MYADM: variants seen among roughly 807,000 people sequenced by gnomAD.
The protein encoded by MYADM is myeloid associated differentiation marker.
For missense variants in MYADM, 416 were observed against 443.4 expected (o/e 0.94, Z 0.56); for synonymous variants, 224 against 210.2 (o/e 1.07, Z -0.57).
In MYADM at chr19:53,874,088, A is replaced by G; in HGVS notation, c.559A>G (p.Ile187Val). The G allele has an allele frequency of 6.2e-7, 1 of 1,611,888 alleles. No homozygotes were observed. Among genetic ancestry groups the G allele is most frequent in the Non-Finnish European group, 8.5e-7 (1 of 1,180,012 alleles). Residue 187 changes from isoleucine to valine, a missense_variant, in exon 3 of 3, where the codon ATC (isoleucine) becomes GTC (valine). Ile to Val is a conservative substitution (Grantham distance 29, BLOSUM62 3). Coordinates refer to ENST00000391770, the MANE Select transcript of MYADM (RefSeq NM_138373.5). ...KVLETFVACI[I>V]FAFISDPNLY... ...GCTGGAGACCTTCGTTGCCTGCATC[A>G]TCTTCGCGTTCATCAGCGACCCCAA...
chr19:53,874,004 C>T lies in MYADM; in HGVS notation c.475C>T (p.Arg159Trp), dbSNP rs1036883212. The change falls in exon 3 of 3, where the codon CGG (arginine) becomes TGG (tryptophan). Residue 159 changes from arginine to tryptophan, a missense_variant. Transcript: ENST00000391770. ...TTACGCCACCGAAGTGGCCTGGACCCGGGCCCGGCCCGGCGAGATCACTGG... is the reference window on the plus strand; with the variant it reads ...TTACGCCACCGAAGTGGCCTGGACCTGGGCCCGGCCCGGCGAGATCACTGG... Reference protein sequence around the residue: ...VAYATEVAWTRARPGEITGYM... With the variant: ...VAYATEVAWTWARPGEITGYM... 26 of 1,608,526 alleles carry T rather than the reference C, an allele frequency of 1.6e-5. No homozygotes were observed. The highest frequency in any genetic ancestry group is 3.3e-5 in the Admixed American group (2 of 60,004).
At position 53,867,960 on chromosome 19, in the gene MYADM, C is replaced by T. The variant is rs1314740569; in HGVS notation, c.-88+17C>T. 3 of 152,482 alleles carry T rather than the reference C, an allele frequency of 2.0e-5. No individual in the cohort carries two copies. The highest frequency in any genetic ancestry group is 2.9e-5 in the Non-Finnish European group (2 of 68,230). 9.4% of individuals were successfully genotyped at this position (152,482 alleles called of 1,614,324 possible). ...CTGCCTGAGGTGAGGTTGTGGGGAC[C>T]CCAGAGGGCATAAGCAACAGTCTAG... On this transcript the variant is annotated intron_variant, in intron 1 of 2. Coordinates refer to ENST00000391770, the MANE Select transcript of MYADM (RefSeq NM_138373.5).
rs768855797 is a variant in MYADM, at chr19:53,874,075, C to T, written c.546C>T (p.Phe182=). The T allele has an allele frequency of 4.2e-5, 67 of 1,611,144 alleles. 1 individual carries two copies. The highest frequency in any genetic ancestry group is 3.8e-5 in the Non-Finnish European group (45 of 1,180,046). The change falls in exon 3 of 3, where the codon TTC becomes TTT. Residue 182 remains phenylalanine (F), a synonymous_variant. Transcript: ENST00000391770. The part of the protein sequence containing the change: ...VPGLLKVLET[F]VACIIFAFIS... ...GGCTGCTGAAGGTGCTGGAGACCTT[C>T]GTTGCCTGCATCATCTTCGCGTTCA...
chr19:53,871,620 G>A (rs1283853863), intron 2 of MYADM, among the ~76,000 whole-genome samples: 3 of 152,058 alleles, frequency 2.0e-5, no homozygotes, highest in East Asian at 3.9e-4. Context: ...ATCCTTTATC[G>A]GGAGGTCGGA....
At position 53,875,698 on chromosome 19, in the gene MYADM, A is replaced by T. The variant is rs2068519541; in HGVS notation, c.*1200A>T. The T allele has an allele frequency of 6.5e-6, 1 of 152,882 alleles. No individual in the cohort carries two copies. Among genetic ancestry groups the T allele is most frequent in the East Asian group, 1.9e-4 (1 of 5,134 alleles). The allele number at this position is 152,882 out of a possible 1,614,324, so 9.5% of individuals were successfully genotyped here. A position where few individuals can be genotyped will look rare whatever the true frequency, so the allele number is the denominator to read the frequency against. On this transcript the variant is annotated 3_prime_UTR_variant, in exon 3 of 3. Coordinates refer to ENST00000391770, the MANE Select transcript of MYADM (RefSeq NM_138373.5). ...AGCATGTCTCTATTAAAAATACAAA[A>T]ATTAGCCGGGCGTGGTGGCGGGCGC... is the stretch of plus-strand genomic sequence containing the variant.
At position 53,873,578 on chromosome 19, in the gene MYADM, T is replaced by A. The variant is rs1221260852; in HGVS notation, c.49T>A (p.Ser17Thr). The A allele has an allele frequency of 6.2e-7, 1 of 1,611,958 alleles. No individual in the cohort carries two copies. Among genetic ancestry groups the A allele is most frequent in the East Asian group, 2.2e-5 (1 of 44,830 alleles). The stretch of plus-strand genomic sequence containing the variant: ...CACCATCACAACCACCACGACGTCA[T>A]CTTCGGGCCTGGGGTCCCCCATGAT... ...RTTITTTTTS[S>T]SGLGSPMIVG... is the part of the protein sequence containing the mutation. Residue 17 changes from serine (S) to threonine (T), a missense_variant, in exon 3 of 3, where the codon TCT becomes ACT. Coordinates refer to ENST00000391770, the MANE Select transcript of MYADM (RefSeq NM_138373.5). The surrounding 1 kb of genome is among the most constrained non-coding windows in gnomAD (Gnocchi z 4.3).
intron 2 of MYADM, chr19:53,872,707 C>T (rs556501279): frequency 1.3e-5 from 2 of 150,830 alleles, no homozygotes; most frequent in Admixed American, 6.6e-5. Flanking sequence ...TGAGGTCTCC[C>T]TAAGGTTGCC....
chr19:53,876,261 GATATATAT>G lies in MYADM; in HGVS notation c.*1777_*1784del, dbSNP rs4023843. On this transcript the variant is annotated 3_prime_UTR_variant, in exon 3 of 3. Transcript: ENST00000391770. ...TGTCTGGGACTCACATACATAACGT[GATATATAT>G]ATATATATATATAAATGTATAAATA... 3.2e-4 allele frequency: 48 copies of G among 152,028 alleles called. No homozygotes were observed. Among genetic ancestry groups the G allele is most frequent in the Admixed American group, 4.2e-4 (6 of 14,168 alleles). The allele number at this position is 152,028 out of a possible 1,614,324, so 9.4% of individuals were successfully genotyped here.
At chr19:53,871,572 C>A (rs2068389173) in intron 2 of MYADM, among the ~76,000 whole-genome samples, 1 of 152,080 alleles carries the variant, frequency 6.6e-6, no homozygotes, top group East Asian at 1.9e-4. Context: ...GAGGGGAGAT[C>A]TCTTGGTTTT....
In MYADM at chr19:53,873,859, C is replaced by T. The variant is rs372001283; in HGVS notation, c.330C>T (p.Ala110=). 1.9e-6 allele frequency: 3 copies of T among 1,613,378 alleles called. No individual in the cohort carries two copies. The African/African-American group carries it at 4.0e-5, about 22-fold the overall frequency. ...CCATCACCTTCGCCTGCTATGCGGCCCTCTTCTGCCTCTCGGCCTCCATCA... is the reference window on the plus strand; with the variant it reads ...CCATCACCTTCGCCTGCTATGCGGCTCTCTTCTGCCTCTCGGCCTCCATCA... ...NFPITFACYA[A]LFCLSASIIY... The change falls in exon 3 of 3, where the codon GCC becomes GCT. Residue 110 remains alanine, a synonymous_variant. Coordinates refer to ENST00000391770, the MANE Select transcript of MYADM (RefSeq NM_138373.5). This position sits in a 1 kb window ranked among gnomAD's most constrained non-coding sequence, Gnocchi z 4.3.
At position 53,873,771 on chromosome 19, in the gene MYADM, T is replaced by A; in HGVS notation, c.242T>A (p.Ile81Asn). The A allele has an allele frequency of 6.2e-7, 1 of 1,613,978 alleles. No homozygotes were observed. The highest frequency in any genetic ancestry group is 8.5e-7 in the Non-Finnish European group (1 of 1,180,034). The change falls in exon 3 of 3, where the codon ATC becomes AAC. Residue 81 changes from isoleucine to asparagine, a missense_variant. Physicochemically the swap from Ile to Asn is moderately radical, Grantham distance 149. Coordinates refer to ENST00000391770, the MANE Select transcript of MYADM (RefSeq NM_138373.5). The surrounding 1 kb of genome is among the most constrained non-coding windows in gnomAD (Gnocchi z 4.3). ...TGCTTCTGCTTCTCCGTGACCCTGA[T>A]CATCCTCATCGTGGAGCTGTGCGGG... is the stretch of plus-strand genomic sequence containing the variant. ...TWCFCFSVTL[I>N]ILIVELCGLQ...
chr19:53,870,572 C>T (rs1030620173), intron 2 of MYADM, among the ~76,000 whole-genome samples: 2 of 152,138 alleles, frequency 1.3e-5, no homozygotes, highest in South Asian at 2.1e-4. Flanking sequence ...GAGGAAGAAG[C>T]GAGTCCAGGC....
rs941238540 is a variant in MYADM, at chr19:53,875,747, G to T, written c.*1249G>T. 6.5e-6 allele frequency: 1 copy of T among 154,276 alleles called. No homozygotes were observed. The highest frequency in any genetic ancestry group is 6.6e-5 in the Admixed American group (1 of 15,264). The allele number at this position is 154,276 out of a possible 1,614,324, so 9.6% of individuals were successfully genotyped here. A position where few individuals can be genotyped will look rare whatever the true frequency, so the allele number is the denominator to read the frequency against. On this transcript the variant is annotated 3_prime_UTR_variant, in exon 3 of 3. Transcript: ENST00000391770. ...GCCTGTAATCCCAGGTATTTGGGGG[G>T]ACTGAGACAGGAGAATCCCTTCAAC...
At chr19:53,870,996 C>T (rs992752891) in intron 2 of MYADM, among the ~76,000 whole-genome samples, 2 of 152,074 alleles carry the variant, frequency 1.3e-5, no homozygotes, top group African/African-American at 4.8e-5. Context: ...TTTGGGAGGC[C>T]AAGGCGGGCG....
chr19:53,866,635 G>A (rs10403507), upstream of MYADM, among the ~76,000 whole-genome samples: 1 of 151,922 alleles, frequency 6.6e-6, no homozygotes, highest in African/African-American at 2.4e-5. This position sits in a 1 kb window ranked among gnomAD's most constrained non-coding sequence, Gnocchi z 4.3. Flanking sequence ...TTCCCCTCTT[G>A]CAGGATCCGT....
chr19:53,875,077 C>T lies in MYADM; in HGVS notation c.*579C>T, dbSNP rs2068500514. 1 of 167,204 alleles carries T rather than the reference C, an allele frequency of 6.0e-6. No individual in the cohort carries two copies. The highest frequency in any genetic ancestry group is 2.1e-4 in the South Asian group (1 of 4,858). The allele number at this position is 167,204 out of a possible 1,614,324, so 10.4% of individuals were successfully genotyped here. A position where few individuals can be genotyped will look rare whatever the true frequency, so the allele number is the denominator to read the frequency against. ...GACTTCTTTCTCTCCTTGCCTCCACCCACCTCCAAAGGTGCTGAGCTCACA... is the reference window on the plus strand; with the variant it reads ...GACTTCTTTCTCTCCTTGCCTCCACTCACCTCCAAAGGTGCTGAGCTCACA... On this transcript the variant is annotated 3_prime_UTR_variant, in exon 3 of 3. Transcript: ENST00000391770.
chr19:53,870,459 T>G (rs1044046602), intron 2 of MYADM, among the ~76,000 whole-genome samples: 1 of 150,252 alleles, frequency 6.7e-6, no homozygotes, highest in Non-Finnish European at 1.5e-5. Context: ...TCTGGACTCG[T>G]GGGTCTGAAG....
rs769178252 is a variant in MYADM, at chr19:53,873,993, T to G, written c.464T>G (p.Val155Gly). The G allele has an allele frequency of 1.2e-6, 2 of 1,609,044 alleles. No individual in the cohort carries two copies. Among genetic ancestry groups the G allele is most frequent in the East Asian group, 4.5e-5 (2 of 44,872 alleles). The stretch of plus-strand genomic sequence containing the variant: ...GCGTGTGTGGCTTACGCCACCGAAG[T>G]GGCCTGGACCCGGGCCCGGCCCGGC... The part of the protein sequence containing the change: ...CIACVAYATE[V>G]AWTRARPGEI... The change falls in exon 3 of 3, where the codon GTG (valine) becomes GGG (glycine). Residue 155 changes from valine (V) to glycine (G), a missense_variant. By Grantham distance (109) the Val-to-Gly change is moderately radical (BLOSUM62 -3). Transcript: ENST00000391770. The surrounding 1 kb of genome is among the most constrained non-coding windows in gnomAD (Gnocchi z 4.3).
Position 53,874,519 on chromosome 19 carries a change from G to C in MYADM, c.*21G>C, listed in dbSNP as rs367717726. On this transcript the variant is annotated 3_prime_UTR_variant, in exon 3 of 3. Transcript: ENST00000391770. The stretch of plus-strand genomic sequence containing the variant: ...TCTAAGACTCTCCCAAGAGGCTCCC[G>C]TTCCCTCTCCAACCTCTTTGTTCTT... 1.3e-6 allele frequency: 2 copies of C among 1,558,216 alleles called. No individual in the cohort carries two copies. Among genetic ancestry groups the C allele is most frequent in the Non-Finnish European group, 8.7e-7 (1 of 1,152,602 alleles).
Sources: allele counts gnomAD v4.1 joint callset (sites outside exome capture counted in the v4.1 genomes callset), GRCh38; gene constraint gnomAD v4.1.1; non-coding constraint Gnocchi (gnomAD v3.1); transcripts MANE v1.5; gene names NCBI Gene and HGNC (gene_info 2026-07-23, HGNC 2026-07-21).